Variants in PVT1 observed in about 807,000 individuals in gnomAD.
The protein encoded by PVT1 is CXCR4/PVT1 fusion.
At chr8:128,013,137 C>G (rs887332923) in intron 4 of PVT1, among the ~76,000 whole-genome samples, 1 of 152,192 alleles carries the variant, frequency 6.6e-6, no homozygotes, top group Non-Finnish European at 1.5e-5. Flanking sequence ...TATACTGCAA[C>G]TCTTGTTTTT....
intron 5 of PVT1, among the ~76,000 whole-genome samples, chr8:128,073,972 T>C (rs1383762342): frequency 6.6e-6 from 1 of 152,120 alleles, no homozygotes; most frequent in East Asian, 1.9e-4. Context: ...ATGGAAGGTG[T>C]CCTTGTGCTA....
In PVT1 at chr8:127,985,037, T is replaced by C. The variant is rs868494128; in HGVS notation, n.783-4125T>C. Reference sequence around the variant, plus strand: ...TCCTTCCTTCCTTCCTTCCTTCCTTTCCTTCTTTTTTTTTTTGACAGATTC... The same window carrying C: ...TCCTTCCTTCCTTCCTTCCTTCCTTCCCTTCTTTTTTTTTTTGACAGATTC... On this transcript the variant is annotated intron_variant and non_coding_transcript_variant, in intron 3 of 10. Coordinates refer to ENST00000651587, the Ensembl canonical transcript of PVT1. Among the ~76,000 whole-genome samples, 442 of 75,650 alleles carry C rather than the reference T, an allele frequency of 5.8e-3. 11 individuals carry two copies. The highest frequency in any genetic ancestry group is 0.016 in the African/African-American group (263 of 16,070). 49.6% of individuals were successfully genotyped at this position (75,650 alleles called of 152,430 possible). A position where few individuals can be genotyped will look rare whatever the true frequency, so the allele number is the denominator to read the frequency against.
chr8:128,091,082 C>A (rs374436205), intron 5 of PVT1, among the ~76,000 whole-genome samples: 1 of 152,182 alleles, frequency 6.6e-6, no homozygotes, highest in African/African-American at 2.4e-5. Flanking sequence ...TCTGAGCACA[C>A]GTGCCTAGCA....
intron 4 of PVT1, among the ~76,000 whole-genome samples, chr8:128,055,150 TACAGACACACACATGC>T (rs1432195784): frequency 6.6e-6 from 1 of 152,162 alleles, no homozygotes; most frequent in Admixed American, 6.6e-5. Context: ...TCTATGTCCC[TACAGACACACACATGC>T]ACAGACACAC....
chr8:128,051,205 T>G (rs1298276672), intron 4 of PVT1, among the ~76,000 whole-genome samples: 1 of 152,230 alleles, frequency 6.6e-6, no homozygotes, highest in Non-Finnish European at 1.5e-5. Flanking sequence ...AGATTCTGTC[T>G]TCACATAGCC....
intron 4 of PVT1, among the ~76,000 whole-genome samples, chr8:128,038,323 G>A (rs1228969440): frequency 6.6e-6 from 1 of 152,176 alleles, no homozygotes; most frequent in Non-Finnish European, 1.5e-5. Flanking sequence ...TTTAGCATGA[G>A]CAGTGTCATT....
At chr8:127,984,114 A>G (rs193072947) in intron 3 of PVT1, 1 of 152,072 alleles carries the variant, frequency 6.6e-6, no homozygotes, top group Non-Finnish European at 1.5e-5. Context: ...CCTGACCTCA[A>G]GTGATCCACT....
At chr8:128,038,495 T>G (rs191600942) in intron 4 of PVT1, among the ~76,000 whole-genome samples, 13 of 152,242 alleles carry the variant, frequency 8.5e-5, no homozygotes, top group Admixed American at 6.5e-4. Flanking sequence ...TGATAAGTCC[T>G]AAGAGGGAGG....
intron 4 of PVT1, among the ~76,000 whole-genome samples, chr8:128,039,318 T>G (rs1228719357): frequency 6.6e-6 from 1 of 152,136 alleles, no homozygotes; most frequent in East Asian, 1.9e-4. Context: ...AAAATACAGT[T>G]CAGAGAACAA....
At chr8:127,807,458 G>A (rs898525771) in intron 2 of PVT1, among the ~76,000 whole-genome samples, 20 of 151,012 alleles carry the variant, frequency 1.3e-4, no homozygotes, top group South Asian at 4.2e-4. Flanking sequence ...CTCAGCCTCC[G>A]GAGTAGCTGG....
At position 128,028,662 on chromosome 8, in the gene PVT1, G is replaced by A. The variant is rs547854662; in HGVS notation, n.912+39371G>A. On this transcript the variant is annotated intron_variant and non_coding_transcript_variant, in intron 4 of 10. Coordinates refer to ENST00000651587, the Ensembl canonical transcript of PVT1. ...GGGAGCATAGAGCACCCAGTTCACC[G>A]GCACAGTGAAGGGTGATGAATACTG... 5.3e-5 allele frequency among the ~76,000 whole-genome samples: 8 copies of A among 152,272 alleles called. No homozygotes were observed. The East Asian group carries it at 9.6e-4, about 18-fold the overall frequency.
chr8:127,936,667 T>TG (rs1254193214), intron 3 of PVT1, among the ~76,000 whole-genome samples: 2 of 152,234 alleles, frequency 1.3e-5, no homozygotes, highest in Non-Finnish European at 2.9e-5. Flanking sequence ...TAGGCACTGC[T>TG]GAGCTCTTGC....
At chr8:127,904,849 A>T (rs1467954057) in intron 3 of PVT1, among the ~76,000 whole-genome samples, 1 of 152,156 alleles carries the variant, frequency 6.6e-6, no homozygotes, top group African/African-American at 2.4e-5. Context: ...ATTAGGAAGA[A>T]TTTCTAGATG....
intron 3 of PVT1, among the ~76,000 whole-genome samples, chr8:127,917,018 AGAGTTT>A (rs926356456): frequency 4.3e-4 from 65 of 152,330 alleles, no homozygotes; most frequent in African/African-American, 1.4e-3. Flanking sequence ...AGTGAGTGCT[AGAGTTT>A]AAGTTTTCTC....
chr8:127,842,047 A>G (rs1426897844), intron 2 of PVT1, among the ~76,000 whole-genome samples: 1 of 150,482 alleles, frequency 6.6e-6, no homozygotes, highest in Non-Finnish European at 1.5e-5. Context: ...TAAAATTATT[A>G]TTTATTTATA....
rs3041894 is a variant in PVT1 at position 127,998,818 on chromosome 8, CCCTTCCTT to C, written n.912+9550_912+9557del. ...TTTCCTCCTTCCTCTTCTCCTCCTC[CCCTTCCTT>C]CCTTCCTTCCTTCCTTCCTTCCCTC... On this transcript the variant is annotated intron_variant and non_coding_transcript_variant, in intron 4 of 10. Transcript: ENST00000651587. Among the ~76,000 whole-genome samples the C allele has an allele frequency of 5.4e-4, 65 of 120,690 alleles. 1 individual carries two copies. The highest frequency in any genetic ancestry group is 1.3e-3 in the Admixed American group (15 of 11,336). The allele number at this position is 120,690 out of a possible 152,430, so 79.2% of individuals were successfully genotyped here. A position where few individuals can be genotyped will look rare whatever the true frequency, so the allele number is the denominator to read the frequency against.
intron 3 of PVT1, among the ~76,000 whole-genome samples, chr8:127,959,357 C>T (rs1484059133): frequency 3.3e-5 from 5 of 152,196 alleles, no homozygotes; most frequent in Middle Eastern, 3.4e-3. Context: ...GAGGCCAAGG[C>T]GGGCGGATTA....
chr8:127,824,182 A>G (rs991477860), intron 2 of PVT1, among the ~76,000 whole-genome samples: 5 of 152,162 alleles, frequency 3.3e-5, no homozygotes, highest in African/African-American at 1.2e-4. Flanking sequence ...CCCTATCTCA[A>G]AAAAAAGGAA....
At position 127,994,821 on chromosome 8, in the gene PVT1, C is replaced by CT. The variant is rs1817086658; in HGVS notation, n.912+5530_912+5531insT. 3.3e-5 allele frequency among the ~76,000 whole-genome samples: 5 copies of CT among 152,282 alleles called. No individual in the cohort carries two copies. In the East Asian group the frequency reaches 9.7e-4, roughly 29 times the overall value. Reference sequence around the variant, plus strand: ...CCAAGGGCAGGAGAAGATCGATGTCCCAGAACAAGCAATCAGGCAGAGATG... The same window carrying CT: ...CCAAGGGCAGGAGAAGATCGATGTCCTCAGAACAAGCAATCAGGCAGAGATG... On this transcript the variant is annotated intron_variant and non_coding_transcript_variant, in intron 4 of 10. Coordinates refer to ENST00000651587, the Ensembl canonical transcript of PVT1.
Sources: gnomAD v4.1 joint callset for allele counts (sites outside exome capture counted in the v4.1 genomes callset) on GRCh38, gnomAD v4.1.1 for gene constraint, MANE v1.5 for transcripts, NCBI Gene and HGNC (gene_info 2026-07-23, HGNC 2026-07-21) for gene names.